The following SYN3 variants were observed in gnomAD, a reference collection of about 807,000 sequenced individuals.
SYN3 encodes synapsin-3.
A neutral mutation model predicts 65.8 loss-of-function variants in SYN3; 35 were observed. The observed-to-expected ratio is 0.53, with a 90% confidence interval of 0.41 to 0.70. The LOEUF (loss-of-function observed/expected upper bound fraction) is 0.70, where lower values mean the gene tolerates loss of function less well. SYN3 is among the 30% of genes least tolerant of loss of function. The pLI is 0.00. For synonymous variants in SYN3, 270 were observed against 292.9 expected, an observed-to-expected ratio of 0.92 and a Z score of 0.80; for missense variants, 680 against 749.0, an observed-to-expected ratio of 0.91 and a Z score of 1.08.
intron 6 of SYN3, among the ~76,000 whole-genome samples, chr22:32,776,622 A>C (rs1243822793): frequency 1.3e-5 from 2 of 152,230 alleles, no homozygotes; most frequent in Non-Finnish European, 2.9e-5. Context: ...TCTTTGCACC[A>C]GAATGGATGC....
chr22:32,689,799 TG>T (rs2060638594), intron 6 of SYN3, among the ~76,000 whole-genome samples: 1 of 152,128 alleles, frequency 6.6e-6, no homozygotes, highest in Non-Finnish European at 1.5e-5. Context: ...CCTAATGTGA[TG>T]GTGTTAGGAG....
chr22:32,582,948 A>G (rs2058970981), intron 7 of SYN3, among the ~76,000 whole-genome samples: 2 of 152,266 alleles, frequency 1.3e-5, no homozygotes, highest in South Asian at 4.1e-4. Flanking sequence ...TAGGAGTGTC[A>G]TGACGTGAAC....
chr22:32,807,386 T>A (rs7292438), intron 6 of SYN3, among the ~76,000 whole-genome samples: 112 of 104,270 alleles, frequency 1.1e-3, no homozygotes, highest in African/African-American at 4.1e-3. Flanking sequence ...ATAATATATA[T>A]TATATATAAT....
In SYN3 at chr22:32,535,762, G is replaced by A. The variant is rs995843617; in HGVS notation, c.993-1867C>T. Among the ~76,000 whole-genome samples the A allele has an allele frequency of 1.1e-4, 16 of 149,894 alleles. No homozygotes were observed. In the East Asian group the frequency reaches 3.1e-3, roughly 29 times the overall value. On this transcript the variant is annotated intron_variant, in intron 9 of 13. Coordinates refer to ENST00000358763, the MANE Select transcript of SYN3 (RefSeq NM_003490.4). The stretch of plus-strand genomic sequence containing the variant: ...GAAGGGGCTGCAGGCGTACAGCAGC[G>A]TGAGAGTGCTTGGAGAATCGGGGGG...
chr22:32,886,551 T>TA (rs2049293367), intron 4 of SYN3, among the ~76,000 whole-genome samples: 1 of 152,212 alleles, frequency 6.6e-6, no homozygotes, highest in South Asian at 2.1e-4. Context: ...ATGATTTGCA[T>TA]AAAATAAAAT....
chr22:32,705,598 A>G (rs183525689), intron 6 of SYN3, among the ~76,000 whole-genome samples: 2 of 152,286 alleles, frequency 1.3e-5, no homozygotes, highest in East Asian at 1.9e-4. Flanking sequence ...GAAGAATGTC[A>G]TTGGTGGTTT....
intron 6 of SYN3, among the ~76,000 whole-genome samples, chr22:32,850,170 A>G (rs889877300): frequency 6.6e-6 from 1 of 151,312 alleles, no homozygotes; most frequent in Admixed American, 6.6e-5. Context: ...TATGAACATC[A>G]TGAAGTACAG....
intron 6 of SYN3, among the ~76,000 whole-genome samples, chr22:32,681,875 G>T (rs1249707033): frequency 1.1e-4 from 16 of 152,232 alleles, no homozygotes; most frequent in African/African-American, 2.4e-5. Context: ...GAAATGAACT[G>T]CAGGGCAAGT....
chr22:32,878,090 T>A (rs1271254771), intron 4 of SYN3, among the ~76,000 whole-genome samples: 1 of 151,994 alleles, frequency 6.6e-6, no homozygotes, highest in Non-Finnish European at 1.5e-5. Flanking sequence ...GGAGTGCAGG[T>A]CTTTGGGCTT....
At chr22:33,036,875 G>A (rs538423783) in intron 1 of SYN3, among the ~76,000 whole-genome samples, 167 of 152,062 alleles carry the variant, frequency 1.1e-3, no homozygotes, top group South Asian at 2.3e-3. Flanking sequence ...ATTTTTAGTA[G>A]AGACGGGGTT....
chr22:32,538,812 A>G (rs1051319932), intron 8 of SYN3, among the ~76,000 whole-genome samples: 6 of 152,074 alleles, frequency 3.9e-5, no homozygotes, highest in Admixed American at 3.9e-4. Context: ...CCCTACACTA[A>G]TGCTCAGTAA....
rs529122603 is a variant in SYN3, at chr22:32,829,463, C to T, written c.711+35452G>A. 2.8e-3 allele frequency among the ~76,000 whole-genome samples: 424 copies of T among 152,280 alleles called. 2 individuals are homozygous for T. The highest frequency in any genetic ancestry group is 9.6e-3 in the African/African-American group (398 of 41,554). The stretch of plus-strand genomic sequence containing the variant: ...GCCTTCGGCATTTCATTTGCACCCA[C>T]ATGTAGGCTCACTTCTTGGCCTGGG... On this transcript the variant is annotated intron_variant, in intron 6 of 13. Transcript: ENST00000358763.
At chr22:33,055,128 TA>T (rs1488383704) in intron 1 of SYN3, among the ~76,000 whole-genome samples, 49 of 152,370 alleles carry the variant, frequency 3.2e-4, no homozygotes, top group African/African-American at 1.2e-3. Flanking sequence ...TCCATTCATT[TA>T]AGCACTATTT....
intron 7 of SYN3, among the ~76,000 whole-genome samples, chr22:32,580,594 C>A (rs2058925508): frequency 6.6e-6 from 1 of 151,754 alleles, no homozygotes; most frequent in Non-Finnish European, 1.5e-5. Context: ...GTATCCTTTG[C>A]CAATAAGGGG....
chr22:32,660,846 A>T (rs1325587430), intron 6 of SYN3, among the ~76,000 whole-genome samples: 1 of 143,218 alleles, frequency 7.0e-6, no homozygotes, highest in East Asian at 2.6e-4. Flanking sequence ...CTTAAAACAG[A>T]CTCTCACCTA....
intron 6 of SYN3, among the ~76,000 whole-genome samples, chr22:32,810,382 CAA>C (rs2046885297): frequency 6.6e-6 from 1 of 152,096 alleles, no homozygotes; most frequent in Admixed American, 6.5e-5. Context: ...GGCTTGGAGA[CAA>C]GAAACTATAA....
chr22:32,569,753 A>T (rs1229817274), intron 7 of SYN3, among the ~76,000 whole-genome samples: 2 of 152,188 alleles, frequency 1.3e-5, no homozygotes, highest in East Asian at 3.9e-4. Flanking sequence ...AACTTCTCTA[A>T]ACCTTAATTT....
chr22:32,634,938 T>TTC (rs1369037266), intron 6 of SYN3, among the ~76,000 whole-genome samples: 2 of 151,932 alleles, frequency 1.3e-5, no homozygotes, highest in African/African-American at 4.8e-5. Context: ...TTTGCAACTT[T>TTC]TTTTTTTTTA....
At chr22:32,960,489 C>T (rs997845879) in intron 3 of SYN3, among the ~76,000 whole-genome samples, 6 of 152,200 alleles carry the variant, frequency 3.9e-5, no homozygotes, top group Non-Finnish European at 8.8e-5. Context: ...ATGGTGCTCC[C>T]CTGTGCCCCC....
Sources: allele counts gnomAD v4.1 joint callset (sites outside exome capture counted in the v4.1 genomes callset), GRCh38; gene constraint gnomAD v4.1.1; transcripts MANE v1.5; gene names NCBI Gene and HGNC (gene_info 2026-07-23, HGNC 2026-07-21).